Variants in ZNF428 observed in about 807,000 individuals in gnomAD.
ZNF428 encodes enzyme-like protein PIT13.
Under a neutral mutation model 15.6 loss-of-function variants are expected in ZNF428, and 5 were observed. The observed-to-expected ratio is 0.32, with a 90% CI of 0.17 to 0.67. The LOEUF is 0.67. Ranked by LOEUF, ZNF428 falls within the 30% of genes least tolerant of loss-of-function variation. The probability of loss-of-function intolerance (pLI) is 0.73; values close to 1 mark genes in which losing one functional copy is unlikely to be tolerated. For synonymous variants in ZNF428, 97 were observed against 102.2 expected, an observed-to-expected ratio of 0.95 and a Z score of 0.31; for missense variants, 237 against 256.0, an observed-to-expected ratio of 0.93 and a Z score of 0.51.
At chr19:43,616,118 T>C (rs1248563402) in intron 1 of ZNF428, among the ~76,000 whole-genome samples, 1 of 152,132 alleles carries the variant, frequency 6.6e-6, no homozygotes, top group African/African-American at 2.4e-5. Context: ...CAAGAGACTG[T>C]AACAAAGGCT....
At position 43,607,881 on chromosome 19, in the gene ZNF428, A is replaced by G. The variant is rs776457879; in HGVS notation, c.303T>C (p.Leu101=). ...QPCQLCGRSP[L]GEAPPGTPPC... ...GTGGGGTTCCCGGTGGGGCCTCCCC[A>G]AGGGGTGAGCGGCCACAGAGCTGGC... Residue 101 remains leucine (L), a synonymous_variant, in exon 3 of 3, where the codon CTT becomes CTC. Coordinates refer to ENST00000300811, the MANE Select transcript of ZNF428 (RefSeq NM_182498.4). This position sits in a 1 kb window ranked among gnomAD's most constrained non-coding sequence, Gnocchi z 5.1. The G allele has an allele frequency of 9.6e-6, 15 of 1,558,628 alleles. No individual in the cohort carries two copies. The highest frequency in any genetic ancestry group is 1.3e-5 in the Non-Finnish European group (15 of 1,151,268).
At chr19:43,609,392 A>G (rs2146113983) in intron 2 of ZNF428, among the ~76,000 whole-genome samples, 1 of 41,294 alleles carries the variant, frequency 2.4e-5, no homozygotes, top group East Asian at 1.0e-3. Flanking sequence ...GGTGAATTAA[A>G]ACATTTATTT....
chr19:43,607,390 CACACAA>C lies in ZNF428; in HGVS notation c.*221_*226del, dbSNP rs1211118973. 1.3e-5 allele frequency: 7 copies of C among 534,938 alleles called. No homozygotes were observed. The highest frequency in any genetic ancestry group is 3.3e-5 in the East Asian group (1 of 30,538). The allele number at this position is 534,938 out of a possible 1,614,324, so 33.1% of individuals were successfully genotyped here. Reference sequence around the variant, plus strand: ...GGGGGAATACACACACACACACACACACACAAACACACACACGGGCGGGAATACACA... The same window carrying C: ...GGGGGAATACACACACACACACACACACACACACACGGGCGGGAATACACA... On this transcript the variant is annotated 3_prime_UTR_variant, in exon 3 of 3. Transcript: ENST00000300811. The surrounding 1 kb of genome is among the most constrained non-coding windows in gnomAD (Gnocchi z 5.1).
chr19:43,614,499 C>A, intron 1 of ZNF428, 65 bp from the exon 2 acceptor site: 1 of 1,395,866 alleles, frequency 7.2e-7, no homozygotes, highest in Non-Finnish European at 9.3e-7. Flanking sequence ...CCCATCCCCA[C>A]CAAGCCCAAC....
chr19:43,615,938 A>C (rs1201239167), intron 1 of ZNF428, among the ~76,000 whole-genome samples: 1 of 152,206 alleles, frequency 6.6e-6, no homozygotes, highest in African/African-American at 2.4e-5. Context: ...GGAGGCTTTA[A>C]GACAGCAGCA....
intron 2 of ZNF428, chr19:43,613,770 G>T (rs1973338246): frequency 6.4e-7 from 1 of 1,551,374 alleles, no homozygotes. Flanking sequence ...CAATCTAGAA[G>T]CCCCAGCGAG....
intron 2 of ZNF428, among the ~76,000 whole-genome samples, chr19:43,609,673 C>T (rs1271650981): frequency 3.3e-5 from 5 of 150,684 alleles, no homozygotes; most frequent in African/African-American, 4.9e-5. Context: ...ACCCGGGAGG[C>T]GGAGGTTGCG....
At position 43,607,767 on chromosome 19, in the gene ZNF428, A is replaced by G. The variant is rs2146112132; in HGVS notation, c.417T>C (p.Pro139=). 1.2e-6 allele frequency: 2 copies of G among 1,605,240 alleles called. No homozygotes were observed. The highest frequency in any genetic ancestry group is 2.3e-5 in the East Asian group (1 of 44,324). The change falls in exon 3 of 3, where the codon CCT becomes CCC. Residue 139 remains proline (P), a synonymous_variant. Coordinates refer to ENST00000300811, the MANE Select transcript of ZNF428 (RefSeq NM_182498.4). This position sits in a 1 kb window ranked among gnomAD's most constrained non-coding sequence, Gnocchi z 5.1. ...CAGCTGGTCGGCCCTCCCCAGCCCG[A>G]GGTGGTTCCTCCTCTTCCTCCCCGA... ...RALGEEEEEP[P]RAGEGRPAGR...
chr19:43,615,657 GACCTT>G (rs1973365253), intron 1 of ZNF428, among the ~76,000 whole-genome samples: 1 of 152,104 alleles, frequency 6.6e-6, no homozygotes, highest in South Asian at 2.1e-4. Flanking sequence ...AGTGAGCCGT[GACCTT>G]GCCACTGCAC....
At position 43,612,567 on chromosome 19, in the gene ZNF428, G is replaced by A; in HGVS notation, c.76+1662C>T. ...ACTCCTGGCAGGATAAGAACTCATG[G>A]TGCCAGACCAGGCATGGCCAGCAGG... On this transcript the variant is annotated intron_variant, in intron 2 of 2. Coordinates refer to ENST00000300811, the MANE Select transcript of ZNF428 (RefSeq NM_182498.4). This position sits in a 1 kb window ranked among gnomAD's most constrained non-coding sequence, Gnocchi z 4.2. 1 of 1,551,644 alleles carries A rather than the reference G, an allele frequency of 6.4e-7. No homozygotes were observed. Among genetic ancestry groups the A allele is most frequent in the Non-Finnish European group, 8.7e-7 (1 of 1,146,992 alleles).
chr19:43,617,848 CTTATTTAT>C (rs970208623), intron 1 of ZNF428, among the ~76,000 whole-genome samples: 1 of 151,530 alleles, frequency 6.6e-6, no homozygotes, highest in Non-Finnish European at 1.5e-5. Context: ...ACACCTGGCC[CTTATTTAT>C]TTATTTATTT....
chr19:43,613,104 GAC>G, intron 2 of ZNF428: 1 of 1,551,624 alleles, frequency 6.4e-7, no homozygotes, highest in Non-Finnish European at 8.7e-7. Flanking sequence ...CAGATGGGAA[GAC>G]ACAGCCAGTC....
intron 1 of ZNF428, among the ~76,000 whole-genome samples, chr19:43,617,864 T>A (rs1973387115): frequency 6.6e-6 from 1 of 151,862 alleles, no homozygotes; most frequent in African/African-American, 2.4e-5. Context: ...TATTTATTTA[T>A]TTAATTTTCT....
Position 43,612,555 on chromosome 19 carries a change from T to C in ZNF428, c.76+1674A>G. 1 of 1,550,998 alleles carries C rather than the reference T, an allele frequency of 6.4e-7. No individual in the cohort carries two copies. The highest frequency in any genetic ancestry group is 8.7e-7 in the Non-Finnish European group (1 of 1,146,830). The stretch of plus-strand genomic sequence containing the variant: ...AGCAGGGCCAGCACTCCTGGCAGGA[T>C]AAGAACTCATGGTGCCAGACCAGGC... On this transcript the variant is annotated intron_variant, in intron 2 of 2. Coordinates refer to ENST00000300811, the MANE Select transcript of ZNF428 (RefSeq NM_182498.4). The surrounding 1 kb of genome is among the most constrained non-coding windows in gnomAD (Gnocchi z 4.2).
Position 43,614,353 on chromosome 19 carries a change from G to A in ZNF428, c.-49C>T. ...AGGAGCAGAGCAGCAGCTGAGCAGC[G>A]TCCCTCCCCGGCCAGCTCTCCACAG... On this transcript the variant is annotated 5_prime_UTR_variant, in exon 2 of 3. In the 5' UTR this introduces an upstream ATG that the reference lacks. Coordinates refer to ENST00000300811, the MANE Select transcript of ZNF428 (RefSeq NM_182498.4). 2.6e-6 allele frequency: 4 copies of A among 1,547,708 alleles called. No individual in the cohort carries two copies. The highest frequency in any genetic ancestry group is 2.6e-6 in the Non-Finnish European group (3 of 1,149,920).
At position 43,612,845 on chromosome 19, in the gene ZNF428, G is replaced by A. The variant is rs1366671849; in HGVS notation, c.76+1384C>T. On this transcript the variant is annotated intron_variant, in intron 2 of 2. Coordinates refer to ENST00000300811, the MANE Select transcript of ZNF428 (RefSeq NM_182498.4). This position sits in a 1 kb window ranked among gnomAD's most constrained non-coding sequence, Gnocchi z 4.2. ...CCCATCTCCATCCTCATCAAGGAAG[G>A]TGAAGAGCTACGGTCAGATGATCAT... 1.3e-6 allele frequency: 2 copies of A among 1,551,714 alleles called. No homozygotes were observed. Among genetic ancestry groups the A allele is most frequent in the Non-Finnish European group, 8.7e-7 (1 of 1,146,998 alleles).
At chr19:43,613,106 CA>C in intron 2 of ZNF428, 2 of 1,551,628 alleles carry the variant, frequency 1.3e-6, no homozygotes, top group Non-Finnish European at 1.7e-6. Flanking sequence ...GATGGGAAGA[CA>C]CAGCCAGTCT....
chr19:43,614,208 C>T, intron 2 of ZNF428, 21 bp downstream of exon 2: 1 of 1,614,232 alleles, frequency 6.2e-7, no homozygotes, highest in Non-Finnish European at 8.5e-7. Context: ...GCCGACGCCA[C>T]CACCTCTAAG....
In ZNF428 at chr19:43,612,018, T is replaced by C; in HGVS notation, c.76+2211A>G. The C allele has an allele frequency of 1.2e-6, 1 of 864,782 alleles. No individual in the cohort carries two copies. The highest frequency in any genetic ancestry group is 1.8e-6 in the Non-Finnish European group (1 of 543,928). 53.6% of individuals were successfully genotyped at this position (864,782 alleles called of 1,614,324 possible). A position where few individuals can be genotyped will look rare whatever the true frequency, so the allele number is the denominator to read the frequency against. On this transcript the variant is annotated intron_variant, in intron 2 of 2. Coordinates refer to ENST00000300811, the MANE Select transcript of ZNF428 (RefSeq NM_182498.4). The surrounding 1 kb of genome is among the most constrained non-coding windows in gnomAD (Gnocchi z 4.2). The stretch of plus-strand genomic sequence containing the variant: ...CAGAGTCTTCAATGCCCACTATTAC[T>C]TCACACAGTTGGCCTGTGACAGGCA...
Sources: allele counts gnomAD v4.1 joint callset (sites outside exome capture counted in the v4.1 genomes callset), GRCh38; gene constraint gnomAD v4.1.1; non-coding constraint Gnocchi (gnomAD v3.1); transcripts MANE v1.5; gene names NCBI Gene and HGNC (gene_info 2026-07-23, HGNC 2026-07-21).